Variants in SLC17A9 observed in about 807,000 individuals in gnomAD.
SLC17A9 encodes the protein solute carrier family 17 member 9, also known as voltage-gated purine nucleotide uniporter SLC17A9.
SLC17A9 carries 49 observed loss-of-function variants against 55.0 expected under a neutral mutation model. That is an observed-to-expected ratio of 0.89 (90% CI 0.71 to 1.13). SLC17A9 has a LOEUF of 1.13. Among genes scored for constraint, SLC17A9 ranks in the 50% most tolerant of loss-of-function variants. The pLI, the probability that SLC17A9 is intolerant of heterozygous loss-of-function variation, is 0.00. For missense variants in SLC17A9, 526 were observed against 569.3 expected, an observed-to-expected ratio of 0.92 and a Z score of 0.77; for synonymous variants, 256 against 247.4, an observed-to-expected ratio of 1.03 and a Z score of -0.32.
chr20:62,963,524 C>T (rs1366146421), intron 6 of SLC17A9, 60 bp from the exon 7 acceptor site: 2 of 1,546,310 alleles, frequency 1.3e-6, no homozygotes, highest in African/African-American at 2.7e-5. Flanking sequence ...CGGGGTGGGT[C>T]CCACAGGCCC....
intron 3 of SLC17A9, among the ~76,000 whole-genome samples, chr20:62,959,041 C>A (rs1297215190): frequency 1.3e-5 from 2 of 152,178 alleles, no homozygotes; most frequent in Non-Finnish European, 2.9e-5. Context: ...GAGGAATGAA[C>A]GAATCGGCAA....
intron 6 of SLC17A9, 36 bp downstream of exon 6, chr20:62,963,405 G>T: frequency 6.2e-7 from 1 of 1,601,494 alleles, no homozygotes; most frequent in Non-Finnish European, 8.5e-7. Flanking sequence ...TGGAGCAGCG[G>T]CAGGGCCGGT....
intron 1 of SLC17A9, among the ~76,000 whole-genome samples, chr20:62,954,680 C>G (rs1568909787): frequency 6.6e-6 from 1 of 152,244 alleles, no homozygotes; most frequent in African/African-American, 2.4e-5. Flanking sequence ...TCCTTGTCTC[C>G]CCGGCAGCTG....
At chr20:62,959,984 C>T (rs2065575301) in intron 3 of SLC17A9, among the ~76,000 whole-genome samples, 1 of 152,246 alleles carries the variant, frequency 6.6e-6, no homozygotes. Context: ...TGGGAGGAAG[C>T]TCAGTTTATA....
chr20:62,963,703 G>T (rs1457449243), intron 7 of SLC17A9, 23 bp downstream of exon 7: 1 of 1,559,326 alleles, frequency 6.4e-7, no homozygotes. Context: ...CTCCCGCAGG[G>T]TGAAGGAGCG....
chr20:62,962,558 G>A lies in SLC17A9; in HGVS notation c.498-66G>A, dbSNP rs936864206. 6.4e-7 allele frequency: 1 copy of A among 1,569,758 alleles called. No homozygotes were observed. Among genetic ancestry groups the A allele is most frequent in the Non-Finnish European group, 8.6e-7 (1 of 1,160,132 alleles). On this transcript the variant is annotated intron_variant, in intron 4 of 12. Transcript: ENST00000370351. The surrounding 1 kb of genome is among the most constrained non-coding windows in gnomAD (Gnocchi z 5.5). ...CAGCCTGCACCAGGGTGGGGTTTCT[G>A]AGAGGCCCCTCCTCACCCGAGGGGT...
In SLC17A9 at chr20:62,964,228, G is replaced by C. The variant is rs777686215; in HGVS notation, c.823G>C (p.Gly275Arg). Residue 275 changes from glycine to arginine, a missense_variant and splice_region_variant, in exon 8 of 13, where the codon GGC becomes CGC. Transcript: ENST00000370351. ...TCTAAGGCCAAACTCCCCCCTGCAG[G>C]GCTGGATCTTCAACGTGGTTCCTTG... ...FFEETFPDAKGWIFNVVPWLV... is the reference protein window; with the variant it reads ...FFEETFPDAKRWIFNVVPWLV... The C allele has an allele frequency of 6.2e-7, 1 of 1,614,060 alleles. No individual in the cohort carries two copies. The highest frequency in any genetic ancestry group is 1.3e-5 in the African/African-American group (1 of 74,934).
chr20:62,966,754 C>G (rs760864056), intron 12 of SLC17A9, 22 bp downstream of exon 12: 2 of 1,602,528 alleles, frequency 1.2e-6, no homozygotes, highest in East Asian at 4.5e-5. Flanking sequence ...GCCTCTGTGC[C>G]CAGGAGTTCC....
Position 62,952,888 on chromosome 20 carries a change from A to T in SLC17A9, c.58A>T (p.Arg20Trp). Residue 20 changes from arginine to tryptophan, a missense_variant and splice_region_variant, in exon 1 of 13, where the codon AGG (arginine) becomes TGG (tryptophan). Arg to Trp is a moderately radical substitution (Grantham distance 101, BLOSUM62 -3). Coordinates refer to ENST00000370351, the MANE Select transcript of SLC17A9 (RefSeq NM_022082.4). The stretch of plus-strand genomic sequence containing the variant: ...CATGGCCGGGGACACCCAGTGGTCC[A>T]GGTGTGGCGGGGGTGAGGGGAGGGG... ...RDMAGDTQWS[R>W]PECQAWTGTL... 1 of 318,810 alleles carries T rather than the reference A, an allele frequency of 3.1e-6. No homozygotes were observed. Among genetic ancestry groups the T allele is most frequent in the Non-Finnish European group, 4.6e-6 (1 of 216,876 alleles). 19.7% of individuals were successfully genotyped at this position (318,810 alleles called of 1,614,324 possible).
chr20:62,963,569 C>A lies in SLC17A9; in HGVS notation c.726-15C>A. 6.3e-7 allele frequency: 1 copy of A among 1,582,382 alleles called. No homozygotes were observed. The highest frequency in any genetic ancestry group is 1.2e-5 in the South Asian group (1 of 86,702). ...GTGCGGCACCAGAGTCACGGTCCAC[C>A]ATTGGGCCCCGCAGGGCAGCCGTCG... On this transcript the variant is annotated splice_polypyrimidine_tract_variant and intron_variant, in intron 6 of 12. Coordinates refer to ENST00000370351, the MANE Select transcript of SLC17A9 (RefSeq NM_022082.4).
intron 1 of SLC17A9, 36 bp from the exon 2 acceptor site, chr20:62,956,729 G>A: frequency 6.3e-7 from 1 of 1,588,456 alleles, no homozygotes; most frequent in Non-Finnish European, 8.6e-7. Flanking sequence ...AGGGCCGTGG[G>A]GCCTCCCCAG....
intron 1 of SLC17A9, among the ~76,000 whole-genome samples, chr20:62,956,232 G>T (rs1035982185): frequency 6.6e-6 from 1 of 152,208 alleles, no homozygotes; most frequent in Non-Finnish European, 1.5e-5. Flanking sequence ...GCGTCTAGGC[G>T]CAGACTTGCA....
At chr20:62,960,453 G>A in intron 3 of SLC17A9, 51 bp from the exon 4 acceptor site, 1 of 1,555,118 alleles carries the variant, frequency 6.4e-7, no homozygotes, top group Non-Finnish European at 8.8e-7. Flanking sequence ...GATAGGCCGG[G>A]AGGAGCCTCC....
intron 10 of SLC17A9, 21 bp downstream of exon 10, chr20:62,965,746 C>T: frequency 6.2e-7 from 1 of 1,609,984 alleles, no homozygotes; most frequent in African/African-American, 1.3e-5. Flanking sequence ...ACTGCTCCAT[C>T]CACCAGAGCG....
At chr20:62,954,768 G>A (rs1452753973) in intron 1 of SLC17A9, among the ~76,000 whole-genome samples, 1 of 152,264 alleles carries the variant, frequency 6.6e-6, no homozygotes, top group Non-Finnish European at 1.5e-5. Flanking sequence ...CGCCTGCCAC[G>A]TAGGGCAGAT....
rs1349871357 is a variant in SLC17A9, at chr20:62,962,896, G to A, written c.628+142G>A. On this transcript the variant is annotated intron_variant, in intron 5 of 12. Coordinates refer to ENST00000370351, the MANE Select transcript of SLC17A9 (RefSeq NM_022082.4). This position sits in a 1 kb window ranked among gnomAD's most constrained non-coding sequence, Gnocchi z 5.5. The stretch of plus-strand genomic sequence containing the variant: ...CCAAAGAATCCGCCAGTGAGGAAAA[G>A]CGCTCGGGTGCTGAGCTGTCAGCGG... 16 of 1,233,632 alleles carry A rather than the reference G, an allele frequency of 1.3e-5. No individual in the cohort carries two copies. The highest frequency in any genetic ancestry group is 3.0e-5 in the African/African-American group (2 of 66,272). 76.4% of individuals were successfully genotyped at this position (1,233,632 alleles called of 1,614,324 possible).
chr20:62,952,766 A>G lies in SLC17A9; in HGVS notation c.-65A>G. Reference sequence around the variant, plus strand: ...TTGGGCGGTGCTGCCCGGGTGGGTCAGCCTGGGCTGGGAGGCAGCCCCGGG... The same window carrying G: ...TTGGGCGGTGCTGCCCGGGTGGGTCGGCCTGGGCTGGGAGGCAGCCCCGGG... On this transcript the variant is annotated 5_prime_UTR_variant, in exon 1 of 13. Coordinates refer to ENST00000370351, the MANE Select transcript of SLC17A9 (RefSeq NM_022082.4). 6.7e-7 allele frequency: 1 copy of G among 1,502,092 alleles called. No homozygotes were observed. Among genetic ancestry groups the G allele is most frequent in the Non-Finnish European group, 8.9e-7 (1 of 1,122,456 alleles). 93.0% of individuals were successfully genotyped at this position (1,502,092 alleles called of 1,614,324 possible). A position where few individuals can be genotyped will look rare whatever the true frequency, so the allele number is the denominator to read the frequency against.
Position 62,958,099 on chromosome 20 carries a change from C to A in SLC17A9, c.397+519C>A, listed in dbSNP as rs1294203285. 2.6e-5 allele frequency among the ~76,000 whole-genome samples: 4 copies of A among 152,080 alleles called. No homozygotes were observed. The highest frequency in any genetic ancestry group is 5.9e-5 in the Non-Finnish European group (4 of 67,990). On this transcript the variant is annotated intron_variant, in intron 3 of 12. Coordinates refer to ENST00000370351, the MANE Select transcript of SLC17A9 (RefSeq NM_022082.4). This position sits in a 1 kb window ranked among gnomAD's most constrained non-coding sequence, Gnocchi z 4.1. ...TGTATGTGTGTGTGCGTTCCTGTAT[C>A]CATGTGTATGTGCGTATGCGTGCCC...
intron 2 of SLC17A9, 46 bp from the exon 3 acceptor site, chr20:62,957,395 T>C (rs748312423): frequency 6.5e-7 from 1 of 1,534,214 alleles, no homozygotes; most frequent in South Asian, 1.3e-5. Flanking sequence ...TGGTGCCCCT[T>C]GGTCCTGCAC....
Sources: allele counts gnomAD v4.1 joint callset (sites outside exome capture counted in the v4.1 genomes callset), GRCh38; gene constraint gnomAD v4.1.1; non-coding constraint Gnocchi (gnomAD v3.1); transcripts MANE v1.5; gene names NCBI Gene and HGNC (gene_info 2026-07-23, HGNC 2026-07-21).